OSBPL6: variants seen among roughly 807,000 people sequenced by gnomAD.
OSBPL6 encodes the protein oxysterol binding protein like 6.
In OSBPL6, 49 loss-of-function variants were observed where a neutral mutation model predicts 125.8. The observed-to-expected ratio is 0.39, with a 90% CI of 0.31 to 0.49. The LOEUF (loss-of-function observed/expected upper bound fraction) is 0.49. Ranked by LOEUF, OSBPL6 falls within the 20% of genes least tolerant of loss-of-function variation. OSBPL6 has a pLI of 0.88. For synonymous variants in OSBPL6, 394 were observed against 391.8 expected, an observed-to-expected ratio of 1.01 and a Z score of -0.07; for missense variants, 986 against 1,135.4, an observed-to-expected ratio of 0.87 and a Z score of 1.89.
At chr2:178,232,335 A>G (rs2090866474) in intron 1 of OSBPL6, among the ~76,000 whole-genome samples, 1 of 152,096 alleles carries the variant, frequency 6.6e-6, no homozygotes, top group Non-Finnish European at 1.5e-5. Flanking sequence ...CTTGACTTCC[A>G]GGAAGTAAAC....
intron 1 of OSBPL6, among the ~76,000 whole-genome samples, chr2:178,262,831 A>G (rs1261173256): frequency 6.6e-6 from 1 of 152,218 alleles, no homozygotes; most frequent in Non-Finnish European, 1.5e-5. Context: ...ACATTAATAT[A>G]TATAGATCTC....
At chr2:178,221,523 T>C (rs2090340564) in intron 1 of OSBPL6, among the ~76,000 whole-genome samples, 2 of 152,368 alleles carry the variant, frequency 1.3e-5, no homozygotes, top group South Asian at 4.1e-4. Flanking sequence ...AGATAATTAT[T>C]TGATCAGAAA....
intron 21 of OSBPL6, among the ~76,000 whole-genome samples, chr2:178,390,443 C>A (rs1695306260): frequency 6.6e-6 from 1 of 152,190 alleles, no homozygotes; most frequent in Non-Finnish European, 1.5e-5. Flanking sequence ...CTCTTCAGAC[C>A]TAAAGGTGCA....
At chr2:178,315,327 T>C (rs1687640878) in intron 3 of OSBPL6, among the ~76,000 whole-genome samples, 1 of 152,232 alleles carries the variant, frequency 6.6e-6, no homozygotes, top group Admixed American at 6.5e-5. Flanking sequence ...TGTGCTGAAA[T>C]TGAGACCACT....
chr2:178,391,379 A>C (rs529848164), intron 22 of OSBPL6, among the ~76,000 whole-genome samples, 162 bp downstream of exon 22: 1 of 152,386 alleles, frequency 6.6e-6, no homozygotes, highest in East Asian at 1.9e-4. Flanking sequence ...TACTTAACAT[A>C]GAAGTTATAC....
At chr2:178,219,232 T>G (rs1409743850) in intron 1 of OSBPL6, among the ~76,000 whole-genome samples, 1 of 152,232 alleles carries the variant, frequency 6.6e-6, no homozygotes, top group Admixed American at 6.5e-5. Context: ...AAGAATTGGG[T>G]TGCTTGCATC....
chr2:178,246,037 GGCCCTT>G (rs1342226330), intron 1 of OSBPL6, among the ~76,000 whole-genome samples: 2 of 152,192 alleles, frequency 1.3e-5, no homozygotes, highest in East Asian at 1.9e-4. Context: ...TCTGGTCCCT[GGCCCTT>G]TCCTCTCTCA....
At chr2:178,194,055 C>T (rs2088680405), upstream of OSBPL6, among the ~76,000 whole-genome samples, 2 of 152,236 alleles carry the variant, frequency 1.3e-5, no homozygotes, top group South Asian at 2.1e-4. Context: ...GCAGTGCTCC[C>T]GGCTGCGGCG....
intron 13 of OSBPL6, among the ~76,000 whole-genome samples, chr2:178,363,526 G>A (rs1308906873): frequency 1.3e-5 from 2 of 152,088 alleles, no homozygotes; most frequent in Non-Finnish European, 2.9e-5. Context: ...CACATTTCCC[G>A]GGCTCTGGTT....
At chr2:178,267,508 A>G (rs1389006171) in intron 1 of OSBPL6, among the ~76,000 whole-genome samples, 3 of 152,170 alleles carry the variant, frequency 2.0e-5, no homozygotes, top group Non-Finnish European at 4.4e-5. Context: ...CAAAAGCTAC[A>G]TCTAATACTC....
chr2:178,235,997 A>G (rs1427332878), intron 1 of OSBPL6, among the ~76,000 whole-genome samples: 2 of 152,150 alleles, frequency 1.3e-5, no homozygotes, highest in African/African-American at 4.8e-5. Context: ...CATGGGTTCA[A>G]TTTTTAAATG....
At chr2:178,366,889 A>G (rs1179506527) in intron 13 of OSBPL6, among the ~76,000 whole-genome samples, 2 of 152,196 alleles carry the variant, frequency 1.3e-5, no homozygotes, top group African/African-American at 2.4e-5. Context: ...TAATTTGGCA[A>G]TATTTATTAA....
At chr2:178,308,954 C>T (rs334602) in intron 3 of OSBPL6, among the ~76,000 whole-genome samples, 112,378 of 151,968 alleles carry the variant, frequency 0.74, 42,256 homozygotes, top group Middle Eastern at 0.81. Flanking sequence ...GTTACCTACA[C>T]AATTAAGGCC....
intron 1 of OSBPL6, among the ~76,000 whole-genome samples, chr2:178,204,088 A>G (rs2089407654): frequency 7.1e-6 from 1 of 140,118 alleles, no homozygotes; most frequent in African/African-American, 2.7e-5. Flanking sequence ...CAGTGCCGCG[A>G]TCTCTGCCCA....
chr2:178,400,387 AG>A lies in OSBPL6; in HGVS notation c.*4831del, dbSNP rs888290810. On this transcript the variant is annotated 3_prime_UTR_variant, in exon 25 of 25. Transcript: ENST00000190611. The stretch of plus-strand genomic sequence containing the variant: ...CTGCAGCCTCCGCCTCCCAGGTTCA[AG>A]GGATTCTTGTGCCTCAGCCTCCCGA... 2 of 151,836 alleles carry A rather than the reference AG, an allele frequency of 1.3e-5. No homozygotes were observed. Among genetic ancestry groups the A allele is most frequent in the Non-Finnish European group, 2.9e-5 (2 of 68,030 alleles). 9.4% of individuals were successfully genotyped at this position (151,836 alleles called of 1,614,324 possible).
At chr2:178,210,454 G>A (rs1447676842) in intron 1 of OSBPL6, among the ~76,000 whole-genome samples, 1 of 151,964 alleles carries the variant, frequency 6.6e-6, no homozygotes, top group African/African-American at 2.4e-5. Flanking sequence ...TTTGGGTTTG[G>A]ATATCAATTT....
chr2:178,362,626 T>C (rs1369643115), intron 13 of OSBPL6, among the ~76,000 whole-genome samples: 2 of 152,238 alleles, frequency 1.3e-5, no homozygotes, highest in Non-Finnish European at 2.9e-5. Flanking sequence ...AAGCAAATCC[T>C]GGGTAAGTGG....
Position 178,382,294 on chromosome 2 carries a change from A to G in OSBPL6, c.1534-126A>G, listed in dbSNP as rs1392234503. 10 of 1,212,274 alleles carry G rather than the reference A, an allele frequency of 8.2e-6. No individual in the cohort carries two copies. The Admixed American group carries it at 3.0e-4, about 36-fold the overall frequency. 75.1% of individuals were successfully genotyped at this position (1,212,274 alleles called of 1,614,324 possible). On this transcript the variant is annotated intron_variant, in intron 15 of 24. Transcript: ENST00000190611. ...CAAGTGTTCATTGCACATATGTCAA[A>G]TACTTTTCCCTCTAGGACCTCTGCT... is the stretch of plus-strand genomic sequence containing the variant.
rs78499676 is a variant in OSBPL6 at position 178,328,391 on chromosome 2, T to C, written c.318+13T>C. 0.048 allele frequency: 78,051 copies of C among 1,610,806 alleles called. 2,763 individuals are homozygous for C. Among genetic ancestry groups the C allele is most frequent in the South Asian group, 0.15 (13,704 of 90,148 alleles). ...AGGCTGGCACAAGGTAACATTTTTA[T>C]CATATTCAGGTTCAGACCATCTTCA... On this transcript the variant is annotated intron_variant, in intron 5 of 24. Coordinates refer to ENST00000190611, the MANE Select transcript of OSBPL6 (RefSeq NM_032523.4).
Sources: gnomAD v4.1 joint callset for allele counts (sites outside exome capture counted in the v4.1 genomes callset) on GRCh38, gnomAD v4.1.1 for gene constraint, MANE v1.5 for transcripts, NCBI Gene and HGNC (gene_info 2026-07-23, HGNC 2026-07-21) for gene names.